The following SHANK2 variants were observed in gnomAD, a reference collection of about 807,000 sequenced individuals.
SHANK2 encodes the protein SH3 and multiple ankyrin repeat domains 2.
SHANK2 carries 43 observed loss-of-function variants against 133.7 expected under a neutral mutation model. The ratio of observed to expected loss-of-function variants is 0.32; its 90% CI spans 0.25 to 0.41. SHANK2 has a LOEUF of 0.41. Ranked by LOEUF, SHANK2 falls within the 10% of genes least tolerant of loss-of-function variation. The pLI is 1.00. For missense variants in SHANK2, 1,994 were observed against 2,235.8 expected (o/e 0.89, Z 2.18); for synonymous variants, 1,017 against 952.8 (o/e 1.07, Z -1.24).
chr11:70,704,156 C>A (rs548782513), intron 14 of SHANK2, among the ~76,000 whole-genome samples: 1 of 152,352 alleles, frequency 6.6e-6, no homozygotes, highest in African/African-American at 2.4e-5. Context: ...GACAGAGAGA[C>A]CCAGAGAGAC....
At chr11:70,698,581 C>T (rs1945450528) in intron 15 of SHANK2, 107 bp downstream of exon 15, 2 of 706,234 alleles carry the variant, frequency 2.8e-6, no homozygotes, top group Non-Finnish European at 5.3e-6. Context: ...CACAGGGAGG[C>T]AGACACGAGG....
intron 17 of SHANK2, chr11:70,604,488 C>CAGTGG (rs1441882444): frequency 1.3e-5 from 2 of 152,408 alleles, no homozygotes; most frequent in Admixed American, 1.3e-4. Flanking sequence ...CTCTGGGCTG[C>CAGTGG]AGTGGGCACT....
rs1488806757 is a variant in SHANK2 at position 70,469,615 on chromosome 11, G to C, written c.*3254C>G. 1 of 151,288 alleles carries C rather than the reference G, an allele frequency of 6.6e-6. No homozygotes were observed. Among genetic ancestry groups the C allele is most frequent in the Non-Finnish European group, 1.5e-5 (1 of 67,926 alleles). 9.4% of individuals were successfully genotyped at this position (151,288 alleles called of 1,614,324 possible). ...AACACGTGTTGTTACACAAACTATA[G>C]TGTGAAACATATTAGTATTTAAAAA... On this transcript the variant is annotated 3_prime_UTR_variant, in exon 26 of 26. Coordinates refer to ENST00000601538, the MANE Select transcript of SHANK2 (RefSeq NM_012309.5).
chr11:71,181,676 A>G (rs1953560139), intron 2 of SHANK2, among the ~76,000 whole-genome samples: 1 of 152,010 alleles, frequency 6.6e-6, no homozygotes, highest in Non-Finnish European at 1.5e-5. Context: ...GCACTGCAAT[A>G]CCCTACATCC....
intron 2 of SHANK2, among the ~76,000 whole-genome samples, chr11:71,173,073 C>T (rs782258755): frequency 3.3e-5 from 5 of 152,234 alleles, no homozygotes; most frequent in African/African-American, 4.8e-5. Context: ...AAAGGCAGAA[C>T]GCCTTGTTTG....
At chr11:70,713,808 A>G (rs1945849910) in intron 14 of SHANK2, among the ~76,000 whole-genome samples, 1 of 152,190 alleles carries the variant, frequency 6.6e-6, no homozygotes, top group Non-Finnish European at 1.5e-5. Flanking sequence ...AGTGTAAAAC[A>G]CACTCTCTTC....
At chr11:71,245,504 C>A (rs933410415) in intron 1 of SHANK2, among the ~76,000 whole-genome samples, 1 of 152,232 alleles carries the variant, frequency 6.6e-6, no homozygotes, top group African/African-American at 2.4e-5. Context: ...AGAAGTCTGA[C>A]AACCACTGTG....
At chr11:70,954,667 G>T (rs1243292043) in intron 10 of SHANK2, among the ~76,000 whole-genome samples, 1 of 152,196 alleles carries the variant, frequency 6.6e-6, no homozygotes, top group Non-Finnish European at 1.5e-5. Flanking sequence ...AGTGAAGAGC[G>T]CAATACAACA....
At chr11:70,610,941 T>C (rs1554993986) in intron 17 of SHANK2, among the ~76,000 whole-genome samples, 1 of 152,230 alleles carries the variant, frequency 6.6e-6, no homozygotes, top group Admixed American at 6.5e-5. Context: ...TGCTTCCATA[T>C]GGAACTATGG....
At chr11:70,660,296 C>A (rs969390367) in intron 16 of SHANK2, among the ~76,000 whole-genome samples, 2 of 152,194 alleles carry the variant, frequency 1.3e-5, no homozygotes, top group Admixed American at 6.5e-5. Flanking sequence ...TGGAAAAGTT[C>A]CTCCCCTGCC....
chr11:71,142,028 A>T (rs1952564461), intron 3 of SHANK2, among the ~76,000 whole-genome samples: 1 of 152,180 alleles, frequency 6.6e-6, no homozygotes, highest in Non-Finnish European at 1.5e-5. Context: ...GCTTGATGCC[A>T]GGGAGGACAA....
intron 17 of SHANK2, among the ~76,000 whole-genome samples, chr11:70,554,274 AG>A (rs782735146): frequency 6.6e-6 from 1 of 152,292 alleles, no homozygotes; most frequent in South Asian, 2.1e-4. Flanking sequence ...TGAGCCCCCA[AG>A]GGGGTCCAGT....
At chr11:70,747,350 T>G (rs550803145) in intron 14 of SHANK2, among the ~76,000 whole-genome samples, 2 of 152,130 alleles carry the variant, frequency 1.3e-5, no homozygotes, top group African/African-American at 4.8e-5. Context: ...AGTTACCAGC[T>G]GGCTACCCGG....
At chr11:70,705,238 G>A (rs1945634942) in intron 14 of SHANK2, 1 of 152,232 alleles carries the variant, frequency 6.6e-6, no homozygotes, top group East Asian at 1.9e-4. Flanking sequence ...TGTGATCAAT[G>A]AGTTGTAAAC....
At chr11:71,059,122 C>T (rs1350734897) in intron 9 of SHANK2, among the ~76,000 whole-genome samples, 4 of 152,144 alleles carry the variant, frequency 2.6e-5, no homozygotes, top group African/African-American at 9.7e-5. Context: ...GAGGCTGAGG[C>T]AGGAGAATCA....
intron 10 of SHANK2, among the ~76,000 whole-genome samples, chr11:70,914,904 A>C (rs1950248903): frequency 6.6e-6 from 1 of 150,744 alleles, no homozygotes; most frequent in Non-Finnish European, 1.5e-5. Flanking sequence ...TCTTAAAAAA[A>C]AAAAAAAGAA....
At position 70,846,552 on chromosome 11, in the gene SHANK2, G is replaced by T. The variant is rs189558412; in HGVS notation, c.1175-25870C>A. 1.2e-3 allele frequency among the ~76,000 whole-genome samples: 190 copies of T among 152,202 alleles called. 1 individual carries two copies. The highest frequency in any genetic ancestry group is 4.1e-3 in the African/African-American group (171 of 41,528). ...ATTATAGACATGAGCTGCTGCGCTC[G>T]GCCTCATCTGTCAATCAATAACAAG... is the stretch of plus-strand genomic sequence containing the variant. On this transcript the variant is annotated intron_variant, in intron 11 of 25. Transcript: ENST00000601538.
intron 12 of SHANK2, among the ~76,000 whole-genome samples, chr11:70,809,026 C>T (rs1165558481): frequency 1.3e-5 from 2 of 152,220 alleles, no homozygotes; most frequent in African/African-American, 4.8e-5. Flanking sequence ...GTAAGACACA[C>T]CTTAACAGGG....
At chr11:71,184,445 GC>G (rs1385345007) in intron 2 of SHANK2, among the ~76,000 whole-genome samples, 10 of 152,182 alleles carry the variant, frequency 6.6e-5, no homozygotes, top group Admixed American at 2.0e-4. Context: ...TTCAGAGTTT[GC>G]CCCTGAATGT....
Sources: gnomAD v4.1 joint callset for allele counts (sites outside exome capture counted in the v4.1 genomes callset) on GRCh38, gnomAD v4.1.1 for gene constraint, MANE v1.5 for transcripts, NCBI Gene and HGNC (gene_info 2026-07-23, HGNC 2026-07-21) for gene names.